The following RPS19 variants were observed in gnomAD, a reference collection of about 807,000 sequenced individuals.
RPS19 encodes the protein small ribosomal subunit protein eS19.
A neutral mutation model predicts 20.3 loss-of-function variants in RPS19; 1 was observed. The ratio of observed to expected loss-of-function variants is 0.05; its 90% CI spans 0.02 to 0.23. The LOEUF (loss-of-function observed/expected upper bound fraction) is 0.23. RPS19 is among the 10% of genes least tolerant of loss of function. The pLI is 1.00. For synonymous variants in RPS19, 87 were observed against 74.8 expected (o/e 1.16, Z -0.84); for missense variants, 111 against 192.7 (o/e 0.58, Z 2.51).
At chr19:41,860,724 G>A in intron 1 of RPS19, 51 bp from the exon 2 acceptor site, 1 of 1,360,938 alleles carries the variant, frequency 7.3e-7, no homozygotes, top group Non-Finnish European at 1.1e-6. Context: ...CCGTGCTCTT[G>A]GCAGTCGTCT....
At chr19:41,861,842 C>G (rs1190301251) in intron 3 of RPS19, among the ~76,000 whole-genome samples, 1 of 152,206 alleles carries the variant, frequency 6.6e-6, no homozygotes, top group African/African-American at 2.4e-5. Flanking sequence ...CTTATGGACA[C>G]CCTGCAACCT....
chr19:41,861,502 C>G lies in RPS19; in HGVS notation c.172+290C>G. 2 of 430,012 alleles carry G rather than the reference C, an allele frequency of 4.7e-6. 1 individual carries two copies. The highest frequency in any genetic ancestry group is 4.3e-5 in the South Asian group (2 of 47,016). The allele number at this position is 430,012 out of a possible 1,614,324, so 26.6% of individuals were successfully genotyped here. On this transcript the variant is annotated intron_variant, in intron 3 of 5. Coordinates refer to ENST00000598742, the MANE Select transcript of RPS19 (RefSeq NM_001022.4). ...CAGGTGGTTTAATCCTTTCTATATA[C>G]ACGGAGGCAGACTCCCTGGGTTTGG...
intron 3 of RPS19, among the ~76,000 whole-genome samples, chr19:41,867,681 T>TA (rs1292475777): frequency 6.6e-6 from 1 of 152,188 alleles, no homozygotes; most frequent in Non-Finnish European, 1.5e-5. Context: ...GGCACATACT[T>TA]ATAGTCCCAG....
Position 41,872,777 on chromosome 19 carries a change from C to T in RPS19, c.*1400C>T, listed in dbSNP as rs1262112467. The stretch of plus-strand genomic sequence containing the variant: ...GGGCATGGTGGCGCGCACCTGTAAT[C>T]CCAGCTACTCAGGAGGCTGAGGCAG... On this transcript the variant is annotated 3_prime_UTR_variant, in exon 6 of 6. Coordinates refer to ENST00000598742, the MANE Select transcript of RPS19 (RefSeq NM_001022.4). The T allele has an allele frequency of 3.9e-5, 6 of 152,196 alleles. No homozygotes were observed. The highest frequency in any genetic ancestry group is 1.4e-4 in the African/African-American group (6 of 41,442). 9.4% of individuals were successfully genotyped at this position (152,196 alleles called of 1,614,324 possible).
intron 3 of RPS19, among the ~76,000 whole-genome samples, chr19:41,863,251 C>T (rs1240990458): frequency 2.6e-5 from 4 of 152,142 alleles, no homozygotes; most frequent in Non-Finnish European, 4.4e-5. Flanking sequence ...GCGGTCCTCC[C>T]GCCTCAGCCT....
intron 3 of RPS19, among the ~76,000 whole-genome samples, chr19:41,867,828 G>A (rs1477899285): frequency 1.3e-5 from 2 of 152,174 alleles, no homozygotes; most frequent in African/African-American, 4.8e-5. Context: ...AAAAGAAAAA[G>A]CACTAATACG....
chr19:41,867,128 A>G (rs1038355979), intron 3 of RPS19, among the ~76,000 whole-genome samples: 2 of 151,694 alleles, frequency 1.3e-5, no homozygotes, highest in African/African-American at 4.8e-5. Context: ...CCAGAGCAAC[A>G]TGGCAAAACC....
chr19:41,870,182 C>T (rs573116615), intron 5 of RPS19, among the ~76,000 whole-genome samples: 25 of 151,768 alleles, frequency 1.6e-4, no homozygotes, highest in Admixed American at 7.2e-4. Flanking sequence ...GTGGAGGCTG[C>T]GGTGAGCCAA....
intron 2 of RPS19, 85 bp downstream of exon 2, chr19:41,860,930 G>T (rs1161921927): frequency 1.5e-6 from 2 of 1,320,916 alleles, no homozygotes; most frequent in East Asian, 4.6e-5. Flanking sequence ...CCGGTCCCTG[G>T]CAGGCGAGGC....
intron 1 of RPS19, 107 bp from the exon 2 acceptor site, chr19:41,860,668 G>T (rs561421849): frequency 2.3e-6 from 2 of 886,428 alleles, no homozygotes; most frequent in East Asian, 2.4e-5. Context: ...GTAACGGGGG[G>T]TACCACGGTT....
intron 3 of RPS19, among the ~76,000 whole-genome samples, chr19:41,866,948 C>T (rs1398418510): frequency 2.0e-5 from 3 of 151,900 alleles, no homozygotes; most frequent in African/African-American, 7.2e-5. Context: ...ACCCGGAAGG[C>T]AGAGCTTGCA....
chr19:41,871,324 C>T, intron 5 of RPS19, 27 bp from the exon 6 acceptor site: 1 of 1,613,092 alleles, frequency 6.2e-7, no homozygotes, highest in South Asian at 1.1e-5. Flanking sequence ...CCTTGACTAA[C>T]TTTTATTCTT....
At chr19:41,871,002 A>G (rs551981708) in intron 5 of RPS19, among the ~76,000 whole-genome samples, 9 of 151,692 alleles carry the variant, frequency 5.9e-5, no homozygotes, top group Non-Finnish European at 1.2e-4. Context: ...AGCTGGGACT[A>G]CAGGCACACA....
chr19:41,867,746 A>G (rs2074105067), intron 3 of RPS19, among the ~76,000 whole-genome samples: 1 of 151,948 alleles, frequency 6.6e-6, no homozygotes, highest in Admixed American at 6.6e-5. Context: ...TCGAGGCTGC[A>G]GTGAGCTATG....
chr19:41,868,087 A>G (rs2074108277), intron 3 of RPS19, among the ~76,000 whole-genome samples: 2 of 152,216 alleles, frequency 1.3e-5, no homozygotes, highest in East Asian at 3.9e-4. Context: ...GATCTTTAGA[A>G]CTAGAGGAAA....
chr19:41,869,408 C>T (rs1555841427), intron 4 of RPS19, among the ~76,000 whole-genome samples, 194 bp downstream of exon 4: 1 of 152,230 alleles, frequency 6.6e-6, no homozygotes, highest in Admixed American at 6.5e-5. Flanking sequence ...GCCCAGGCTC[C>T]AGGAGGGTAA....
At position 41,872,818 on chromosome 19, in the gene RPS19, C is replaced by T. The variant is rs2074163356; in HGVS notation, c.*1441C>T. The stretch of plus-strand genomic sequence containing the variant: ...GCTGAGGCAGAAGAATCGCTCGAAC[C>T]CCGGAGGCGGAGGTTGCAGTGGGTT... On this transcript the variant is annotated 3_prime_UTR_variant, in exon 6 of 6. Transcript: ENST00000598742. The T allele has an allele frequency of 6.6e-6, 1 of 152,172 alleles. No individual in the cohort carries two copies. The highest frequency in any genetic ancestry group is 2.4e-5 in the African/African-American group (1 of 41,432). 9.4% of individuals were successfully genotyped at this position (152,172 alleles called of 1,614,324 possible).
chr19:41,863,660 G>A (rs782752559), intron 3 of RPS19, among the ~76,000 whole-genome samples: 26 of 151,992 alleles, frequency 1.7e-4, no homozygotes, highest in Non-Finnish European at 3.1e-4. Flanking sequence ...AGAAGATGGG[G>A]CCCTCTTGAG....
At chr19:41,865,513 C>T (rs946616466) in intron 3 of RPS19, among the ~76,000 whole-genome samples, 6 of 152,170 alleles carry the variant, frequency 3.9e-5, no homozygotes, top group East Asian at 3.9e-4. Context: ...TGAGGAGGAA[C>T]GGTGTCAGGA....
Sources: allele counts gnomAD v4.1 joint callset (sites outside exome capture counted in the v4.1 genomes callset), GRCh38; gene constraint gnomAD v4.1.1; transcripts MANE v1.5; gene names NCBI Gene and HGNC (gene_info 2026-07-23, HGNC 2026-07-21).